Variants in TMC1 observed in about 807,000 individuals in gnomAD.
TMC1 encodes transmembrane channel-like protein 1.
TMC1 carries 84 observed loss-of-function variants against 105.8 expected under a neutral mutation model. That is an observed-to-expected ratio of 0.79 (90% CI 0.67 to 0.95). The LOEUF (loss-of-function observed/expected upper bound fraction) is 0.95, where lower values mean the gene tolerates loss of function less well. TMC1 is among the 40% of genes least tolerant of loss of function. The pLI is 0.00. For missense variants in TMC1, 817 were observed against 914.1 expected (o/e 0.89, Z 1.37); for synonymous variants, 315 against 311.5 (o/e 1.01, Z -0.12).
chr9:72,598,799 A>AG (rs761980816), intron 2 of TMC1, among the ~76,000 whole-genome samples: 1 of 152,124 alleles, frequency 6.6e-6, no homozygotes, highest in Non-Finnish European at 1.5e-5. Flanking sequence ...TTCTCATGGG[A>AG]GGGGGAGGAC....
intron 5 of TMC1, among the ~76,000 whole-genome samples, chr9:72,684,648 A>G (rs1303591727): frequency 6.6e-6 from 1 of 152,164 alleles, no homozygotes; most frequent in Non-Finnish European, 1.5e-5. Flanking sequence ...CCAGGCTCAA[A>G]TATTCAACTG....
At chr9:72,635,379 A>T (rs1734640572) in intron 4 of TMC1, among the ~76,000 whole-genome samples, 1 of 152,198 alleles carries the variant, frequency 6.6e-6, no homozygotes, top group African/African-American at 2.4e-5. Flanking sequence ...TCCAACTCTA[A>T]CCACATGGTT....
intron 5 of TMC1, among the ~76,000 whole-genome samples, chr9:72,670,343 C>A (rs548669820): frequency 6.6e-6 from 1 of 152,070 alleles, no homozygotes; most frequent in African/African-American, 2.4e-5. Context: ...AAAATTAGTC[C>A]TAGACCAAAT....
At chr9:72,663,737 T>C (rs970262639) in intron 5 of TMC1, among the ~76,000 whole-genome samples, 3 of 152,226 alleles carry the variant, frequency 2.0e-5, no homozygotes, top group East Asian at 1.9e-4. Flanking sequence ...CAAATTAACC[T>C]TAGCTTACTA....
chr9:72,802,876 A>G (rs1356400801), intron 17 of TMC1, among the ~76,000 whole-genome samples: 1 of 152,254 alleles, frequency 6.6e-6, no homozygotes, highest in Non-Finnish European at 1.5e-5. Context: ...AATTAGAAAA[A>G]AAACATTTTT....
In TMC1 at chr9:72,791,924, A is replaced by T; in HGVS notation, c.1263A>T (p.Pro421=). The part of the protein sequence containing the change: ...MVMSLLGMFC[P]TLFDLFAELE... ...TGTCCCTCCTAGGGATGTTCTGTCC[A>T]ACATTGTTTGACTTATTTGCTGAAT... The change falls in exon 16 of 24, where the codon CCA becomes CCT. Residue 421 remains proline (P), a synonymous_variant. Transcript: ENST00000297784. 1 of 1,613,590 alleles carries T rather than the reference A, an allele frequency of 6.2e-7. No individual in the cohort carries two copies. Among genetic ancestry groups the T allele is most frequent in the Non-Finnish European group, 8.5e-7 (1 of 1,179,966 alleles).
At chr9:72,603,404 CACACACACACA>C (rs1409041563) in intron 2 of TMC1, among the ~76,000 whole-genome samples, 1 of 148,668 alleles carries the variant, frequency 6.7e-6, no homozygotes, top group Non-Finnish European at 1.5e-5. Context: ...CACACACACA[CACACACACACA>C]CACACACCAC....
chr9:72,806,936 G>C (rs1002571516), intron 18 of TMC1, among the ~76,000 whole-genome samples: 9 of 152,288 alleles, frequency 5.9e-5, no homozygotes, highest in East Asian at 1.9e-4. Flanking sequence ...AGGTTGTAGC[G>C]AGCCGAGATC....
chr9:72,731,347 G>T (rs148591098), intron 8 of TMC1, among the ~76,000 whole-genome samples: 114 of 152,322 alleles, frequency 7.5e-4, no homozygotes, highest in African/African-American at 2.5e-3. Context: ...TACCTAGGGG[G>T]TGGAGGAGAT....
chr9:72,642,414 G>A (rs1825644004), intron 4 of TMC1, among the ~76,000 whole-genome samples: 1 of 152,136 alleles, frequency 6.6e-6, no homozygotes, highest in Admixed American at 6.5e-5. Flanking sequence ...TGGTTAACAT[G>A]AGTTTAAGGC....
chr9:72,733,601 C>A (rs182132455), intron 8 of TMC1, among the ~76,000 whole-genome samples: 1 of 152,082 alleles, frequency 6.6e-6, no homozygotes, highest in Non-Finnish European at 1.5e-5. Flanking sequence ...CAAGGCTCCC[C>A]GTGGATTCCT....
At chr9:72,615,753 A>ATTTTT (rs35200835) in intron 2 of TMC1, among the ~76,000 whole-genome samples, 3 of 139,088 alleles carry the variant, frequency 2.2e-5, no homozygotes. Flanking sequence ...CACCTTTCTT[A>ATTTTT]TTTTTTTTTT....
chr9:72,753,465 T>A (rs1827618057), intron 11 of TMC1, among the ~76,000 whole-genome samples: 2 of 152,084 alleles, frequency 1.3e-5, no homozygotes, highest in South Asian at 4.1e-4. Context: ...TGAAAGGCTG[T>A]TGCTGATTTA....
In TMC1 at chr9:72,617,908, G is replaced by GGTGT. The variant is rs58657161; in HGVS notation, c.-196+1470_-196+1473dup. Among the ~76,000 whole-genome samples the GGTGT allele has an allele frequency of 9.4e-3, 1,354 of 144,406 alleles. 14 individuals are homozygous for GGTGT. The highest frequency in any genetic ancestry group is 0.016 in the South Asian group (72 of 4,370). 94.7% of individuals were successfully genotyped at this position (144,406 alleles called of 152,430 possible). On this transcript the variant is annotated intron_variant, in intron 3 of 23. Coordinates refer to ENST00000297784, the MANE Select transcript of TMC1 (RefSeq NM_138691.3). ...CCATTTACCCAAGAAGTCTATGTGT[G>GGTGT]GTGTGTGTGTGTGTGTGTGTGTGTG...
At chr9:72,695,588 G>A (rs1826536681) in intron 7 of TMC1, among the ~76,000 whole-genome samples, 1 of 152,076 alleles carries the variant, frequency 6.6e-6, no homozygotes, top group Admixed American at 6.6e-5. Flanking sequence ...AACACTCCTA[G>A]GACTTTGAAG....
intron 3 of TMC1, among the ~76,000 whole-genome samples, chr9:72,626,966 G>C (rs536278993): frequency 6.6e-6 from 1 of 150,934 alleles, no homozygotes; most frequent in African/African-American, 2.4e-5. Context: ...TCATACCCTG[G>C]TGTATTTTTA....
intron 5 of TMC1, among the ~76,000 whole-genome samples, chr9:72,688,300 G>T (rs1397335183): frequency 6.6e-6 from 1 of 152,044 alleles, no homozygotes; most frequent in Non-Finnish European, 1.5e-5. Context: ...TAGTTAATTT[G>T]GTTATTAACC....
chr9:72,671,109 G>T (rs557081221), intron 5 of TMC1, among the ~76,000 whole-genome samples: 2 of 152,286 alleles, frequency 1.3e-5, no homozygotes, highest in African/African-American at 4.8e-5. Context: ...CAAAGAAACA[G>T]ATCTGAGTAT....
At chr9:72,813,738 T>C (rs1312844008) in intron 18 of TMC1, among the ~76,000 whole-genome samples, 2 of 152,240 alleles carry the variant, frequency 1.3e-5, no homozygotes, top group African/African-American at 4.8e-5. Flanking sequence ...ACCTTTGGTC[T>C]AGTTCATTTT....
Sources: gnomAD v4.1 joint callset for allele counts (sites outside exome capture counted in the v4.1 genomes callset) on GRCh38, gnomAD v4.1.1 for gene constraint, MANE v1.5 for transcripts, NCBI Gene and HGNC (gene_info 2026-07-23, HGNC 2026-07-21) for gene names.